Variants in TAFA1 observed in about 807,000 individuals in gnomAD.
TAFA1 encodes chemokine-like protein TAFA-1.
TAFA1 carries 4 observed loss-of-function variants against 18.5 expected under a neutral mutation model. That is an observed-to-expected ratio of 0.22 (90% confidence interval 0.11 to 0.49). The LOEUF (loss-of-function observed/expected upper bound fraction) is 0.49. Among genes scored for constraint, TAFA1 ranks in the 20% least tolerant of loss-of-function variants. The probability of loss-of-function intolerance (pLI) is 0.98; values close to 1 mark genes in which losing one functional copy is unlikely to be tolerated. For missense variants in TAFA1, 147 were observed against 169.0 expected, an observed-to-expected ratio of 0.87 and a Z score of 0.72; for synonymous variants, 56 against 55.2, an observed-to-expected ratio of 1.01 and a Z score of -0.06.
chr3:68,034,466 T>A (rs144148333), intron 2 of TAFA1, among the ~76,000 whole-genome samples: 1 of 152,200 alleles, frequency 6.6e-6, no homozygotes, highest in African/African-American at 2.4e-5. Flanking sequence ...GTCACACACT[T>A]AGCAAGTAAG....
At chr3:68,319,017 C>G (rs1377239487) in intron 2 of TAFA1, among the ~76,000 whole-genome samples, 1 of 152,094 alleles carries the variant, frequency 6.6e-6, no homozygotes, top group African/African-American at 2.4e-5. Flanking sequence ...TCTCTTTCTC[C>G]TCTGCTGTCC....
intron 2 of TAFA1, among the ~76,000 whole-genome samples, chr3:68,117,622 A>G (rs948961034): frequency 6.6e-6 from 1 of 152,218 alleles, no homozygotes; most frequent in African/African-American, 2.4e-5. Flanking sequence ...TCTCTTCTTT[A>G]GTAACCAGAA....
chr3:68,138,006 A>G (rs1258626850), intron 2 of TAFA1, among the ~76,000 whole-genome samples: 1 of 151,912 alleles, frequency 6.6e-6, no homozygotes, highest in Non-Finnish European at 1.5e-5. Flanking sequence ...AGTGGATTCA[A>G]TGAGTAGATA....
chr3:68,504,104 T>G (rs1481116077), intron 3 of TAFA1, among the ~76,000 whole-genome samples: 1 of 152,134 alleles, frequency 6.6e-6, no homozygotes, highest in Admixed American at 6.5e-5. Context: ...ATAATCACAT[T>G]TTAGTCTTAT....
rs560224249 is a variant in TAFA1 at position 68,182,501 on chromosome 3, G to T, written c.118+175757G>T. Among the ~76,000 whole-genome samples, 33 of 152,188 alleles carry T rather than the reference G, an allele frequency of 2.2e-4. No individual in the cohort carries two copies. The South Asian group carries it at 6.2e-3, about 29-fold the overall frequency. ...AGTTTAACATCCAAATATCAGAAAT[G>T]GGAATTAGAAATTATTGTACCAGGT... On this transcript the variant is annotated intron_variant, in intron 2 of 4. Coordinates refer to ENST00000478136, the MANE Select transcript of TAFA1 (RefSeq NM_213609.4).
intron 2 of TAFA1, among the ~76,000 whole-genome samples, chr3:68,113,613 C>G (rs142557969): frequency 6.6e-6 from 1 of 152,188 alleles, no homozygotes; most frequent in East Asian, 1.9e-4. Context: ...GAAAGGTTCT[C>G]ACGGCATGGA....
intron 2 of TAFA1, among the ~76,000 whole-genome samples, chr3:68,217,711 C>G (rs531450784): frequency 2.2e-4 from 34 of 152,104 alleles, no homozygotes; most frequent in South Asian, 6.2e-4. Flanking sequence ...AAATCTAATA[C>G]TGCTCTAAAA....
chr3:68,060,316 TCTC>T (rs2064586973), intron 2 of TAFA1, among the ~76,000 whole-genome samples: 1 of 152,016 alleles, frequency 6.6e-6, no homozygotes, highest in Non-Finnish European at 1.5e-5. Flanking sequence ...TCCTCAGCCT[TCTC>T]CTGTGGCACC....
At chr3:68,533,387 GA>G (rs2073219691) in intron 3 of TAFA1, among the ~76,000 whole-genome samples, 1 of 152,080 alleles carries the variant, frequency 6.6e-6, no homozygotes, top group African/African-American at 2.4e-5. Context: ...CAGTATGGGG[GA>G]AACCGCCCCC....
chr3:68,234,261 A>G (rs1335798786), intron 2 of TAFA1, among the ~76,000 whole-genome samples: 7 of 152,184 alleles, frequency 4.6e-5, no homozygotes, highest in Admixed American at 3.3e-4. Flanking sequence ...AAGAAGCTAG[A>G]TACTGACTTC....
intron 2 of TAFA1, among the ~76,000 whole-genome samples, chr3:68,123,045 C>G (rs916533500): frequency 6.6e-6 from 1 of 151,646 alleles, no homozygotes; most frequent in Non-Finnish European, 1.5e-5. Flanking sequence ...CTTCCTTCCT[C>G]CCTTCCTCCC....
intron 3 of TAFA1, among the ~76,000 whole-genome samples, chr3:68,457,855 A>G (rs564480668): frequency 3.8e-4 from 58 of 152,236 alleles, no homozygotes; most frequent in African/African-American, 1.4e-3. Flanking sequence ...GCTTTTTTAG[A>G]GTCCGCATAT....
intron 2 of TAFA1, among the ~76,000 whole-genome samples, chr3:68,088,413 C>T (rs1477142654): frequency 6.6e-6 from 1 of 152,180 alleles, no homozygotes; most frequent in Non-Finnish European, 1.5e-5. Context: ...ACGTATAAAG[C>T]ACTGGCTGAG....
chr3:68,127,009 A>G (rs1318316250), intron 2 of TAFA1, among the ~76,000 whole-genome samples: 3 of 152,362 alleles, frequency 2.0e-5, no homozygotes, highest in East Asian at 3.9e-4. Flanking sequence ...CTGATTGAGA[A>G]GAATTGATGT....
At position 68,494,407 on chromosome 3, in the gene TAFA1, C is replaced by A. The variant is rs78175597; in HGVS notation, c.260-44349C>A. On this transcript the variant is annotated intron_variant, in intron 3 of 4. Transcript: ENST00000478136. ...TAGTGTGCTAGTTGATATCTGGTAT[C>A]ATTCTCCTCTTTTTTCTCTGTAGGA... Among the ~76,000 whole-genome samples, 374 of 152,318 alleles carry A rather than the reference C, an allele frequency of 2.5e-3. 6 individuals carry two copies. In the East Asian group the frequency reaches 0.045, roughly 18 times the overall value.
chr3:68,199,988 T>C (rs1056936643), intron 2 of TAFA1, among the ~76,000 whole-genome samples: 5 of 151,588 alleles, frequency 3.3e-5, no homozygotes, highest in African/African-American at 1.2e-4. Context: ...TTTTGTACAT[T>C]TTAAAATCAA....
chr3:68,367,215 A>ATCTC (rs1278011922), intron 2 of TAFA1, among the ~76,000 whole-genome samples: 1 of 152,180 alleles, frequency 6.6e-6, no homozygotes, highest in African/African-American at 2.4e-5. Context: ...TGGCACAGAA[A>ATCTC]TCTCTTCAAG....
intron 2 of TAFA1, among the ~76,000 whole-genome samples, chr3:68,065,414 G>C (rs1252357604): frequency 2.0e-5 from 3 of 152,054 alleles, no homozygotes; most frequent in African/African-American, 7.2e-5. Flanking sequence ...CAATGTATTG[G>C]GTGTTTTGCA....
intron 3 of TAFA1, among the ~76,000 whole-genome samples, chr3:68,482,331 G>C (rs545282161): frequency 1.3e-4 from 20 of 152,298 alleles, no homozygotes; most frequent in African/African-American, 4.8e-4. Flanking sequence ...GGCTCCTCCT[G>C]TATATCAGGC....
Sources: gnomAD v4.1 joint callset for allele counts (sites outside exome capture counted in the v4.1 genomes callset) on GRCh38, gnomAD v4.1.1 for gene constraint, MANE v1.5 for transcripts, NCBI Gene and HGNC (gene_info 2026-07-23, HGNC 2026-07-21) for gene names.